SAMD15: variants seen among roughly 807,000 people sequenced by gnomAD.
SAMD15 encodes the protein sterile alpha motif domain containing 15.
A neutral mutation model predicts 50.5 loss-of-function variants in SAMD15; 37 were observed. The observed-to-expected ratio is 0.73, with a 90% CI of 0.56 to 0.96. SAMD15 has a LOEUF of 0.96. Among genes scored for constraint, SAMD15 ranks in the 40% least tolerant of loss-of-function variants. The pLI, the probability that SAMD15 is intolerant of heterozygous loss-of-function variation, is 0.00. For missense variants in SAMD15, 789 were observed against 783.8 expected (o/e 1.01, Z -0.08); for synonymous variants, 255 against 282.8 (o/e 0.90, Z 0.99).
At chr14:77,382,358 C>T (rs949539585) in intron 2 of SAMD15, among the ~76,000 whole-genome samples, 3 of 152,022 alleles carry the variant, frequency 2.0e-5, no homozygotes, top group South Asian at 4.1e-4. Flanking sequence ...TTCTTGACCT[C>T]GTGCTCTGCC....
chr14:77,383,243 A>AAT (rs1216276485), intron 2 of SAMD15, among the ~76,000 whole-genome samples: 1 of 152,180 alleles, frequency 6.6e-6, no homozygotes, highest in African/African-American at 2.4e-5. Context: ...TCGCTTAAAA[A>AAT]AATAATAATA....
In SAMD15 at chr14:77,391,683, T is replaced by C. The variant is rs1006714664; in HGVS notation, c.*439T>C. 1.3e-5 allele frequency among the ~76,000 whole-genome samples: 2 copies of C among 152,282 alleles called. No individual in the cohort carries two copies. Among genetic ancestry groups the C allele is most frequent in the Admixed American group, 6.5e-5 (1 of 15,276 alleles). ...CATTCCTAGTTGTGTCTCTGACTTA[T>C]GGTACCCTCCCTTTCTTTTTGCAAT... On this transcript the variant is annotated 3_prime_UTR_variant, in exon 3 of 3. Coordinates refer to ENST00000216471, the MANE Select transcript of SAMD15 (RefSeq NM_001010860.4).
intron 2 of SAMD15, among the ~76,000 whole-genome samples, chr14:77,389,842 C>T (rs549768240): frequency 6.6e-6 from 1 of 152,160 alleles, no homozygotes; most frequent in East Asian, 1.9e-4. Context: ...TGGCATGGTG[C>T]TCAATGAATA....
At position 77,391,503 on chromosome 14, in the gene SAMD15, A is replaced by G; in HGVS notation, c.*259A>G. The G allele has an allele frequency of 3.1e-6, 1 of 319,636 alleles. No individual in the cohort carries two copies. Among genetic ancestry groups the G allele is most frequent in the Non-Finnish European group, 5.7e-6 (1 of 175,526 alleles). 19.8% of individuals were successfully genotyped at this position (319,636 alleles called of 1,614,324 possible). Reference sequence around the variant, plus strand: ...CAGCTAATTTTTGTATTTTTAGTAGATATGATGTTTCACCATGTTGGCCAG... The same window carrying G: ...CAGCTAATTTTTGTATTTTTAGTAGGTATGATGTTTCACCATGTTGGCCAG... On this transcript the variant is annotated 3_prime_UTR_variant, in exon 3 of 3. Coordinates refer to ENST00000216471, the MANE Select transcript of SAMD15 (RefSeq NM_001010860.4).
At chr14:77,382,063 A>G (rs1235271936) in intron 2 of SAMD15, among the ~76,000 whole-genome samples, 12 of 151,560 alleles carry the variant, frequency 7.9e-5, no homozygotes, top group South Asian at 2.1e-4. Context: ...CAGCCCCCCA[A>G]GTAGCTGGGA....
Position 77,391,619 on chromosome 14 carries a change from T to C in SAMD15, c.*375T>C, listed in dbSNP as rs1894074104. ...CGTGACCTACCGCACCTGGCCCTTTTTCTCCTTTTCATTAAGGATCAGTTA... is the reference window on the plus strand; with the variant it reads ...CGTGACCTACCGCACCTGGCCCTTTCTCTCCTTTTCATTAAGGATCAGTTA... On this transcript the variant is annotated 3_prime_UTR_variant, in exon 3 of 3. Coordinates refer to ENST00000216471, the MANE Select transcript of SAMD15 (RefSeq NM_001010860.4). The C allele has an allele frequency of 6.1e-6, 1 of 164,204 alleles. No homozygotes were observed. Among genetic ancestry groups the C allele is most frequent in the African/African-American group, 2.4e-5 (1 of 41,964 alleles). 10.2% of individuals were successfully genotyped at this position (164,204 alleles called of 1,614,324 possible).
intron 2 of SAMD15, among the ~76,000 whole-genome samples, chr14:77,389,829 A>G (rs1894050737): frequency 6.6e-6 from 1 of 152,124 alleles, no homozygotes; most frequent in African/African-American, 2.4e-5. Flanking sequence ...CTAGGATATC[A>G]AGTGGCATGG....
intron 1 of SAMD15, among the ~76,000 whole-genome samples, chr14:77,379,837 A>C (rs1243976576): frequency 6.6e-6 from 1 of 152,300 alleles, no homozygotes; most frequent in South Asian, 2.1e-4. Flanking sequence ...CAAATATGTC[A>C]CCTGTATCAT....
intron 2 of SAMD15, among the ~76,000 whole-genome samples, chr14:77,384,277 A>G (rs1010699317): frequency 2.6e-5 from 4 of 152,156 alleles, no homozygotes; most frequent in Admixed American, 2.6e-4. Context: ...GCTGCTAAGA[A>G]TCTGAACAGC....
In SAMD15 at chr14:77,378,483, G is replaced by A. The variant is rs756669797; in HGVS notation, c.1065G>A (p.Met355Ile). 6.2e-7 allele frequency: 1 copy of A among 1,613,066 alleles called. No homozygotes were observed. The highest frequency in any genetic ancestry group is 8.5e-7 in the Non-Finnish European group (1 of 1,179,818). The change falls in exon 1 of 3, where the codon ATG becomes ATA. Residue 355 changes from methionine (M) to isoleucine (I), a missense_variant. By Grantham distance (10) the Met-to-Ile change is conservative. This residue lies in a region of SAMD15 where 770 missense variants were observed against 745.4 expected (regional missense o/e 1.03). Transcript: ENST00000216471. ...NEETILEQSEMMKPESPEEIR... is the reference protein window; with the variant it reads ...NEETILEQSEIMKPESPEEIR... The stretch of plus-strand genomic sequence containing the variant: ...AAACAATTCTAGAACAATCAGAAAT[G>A]ATGAAACCAGAAAGTCCAGAAGAGA...
chr14:77,377,760 G>T lies in SAMD15; in HGVS notation c.342G>T (p.Glu114Asp). ...HQEVKSETSR[E>D]MGEFFKDLEA... ...AGGTAAAGTCGGAAACATCCAGAGAGATGGGAGAGTTTTTCAAAGATTTGG... is the reference window on the plus strand; with the variant it reads ...AGGTAAAGTCGGAAACATCCAGAGATATGGGAGAGTTTTTCAAAGATTTGG... The change falls in exon 1 of 3, where the codon GAG becomes GAT. Residue 114 changes from glutamate to aspartate, a missense_variant. Glu to Asp is a conservative substitution (Grantham distance 45). This residue lies in a region of SAMD15 where 770 missense variants were observed against 745.4 expected (regional missense o/e 1.03). Transcript: ENST00000216471. 5 of 1,614,184 alleles carry T rather than the reference G, an allele frequency of 3.1e-6. No homozygotes were observed. The highest frequency in any genetic ancestry group is 4.2e-6 in the Non-Finnish European group (5 of 1,180,030).
chr14:77,391,145 G>A lies in SAMD15; in HGVS notation c.1926G>A (p.Leu642=). The A allele has an allele frequency of 6.2e-7, 1 of 1,613,874 alleles. No homozygotes were observed. The highest frequency in any genetic ancestry group is 8.5e-7 in the Non-Finnish European group (1 of 1,179,870). ...ATACTGGGATAAAATCTGATTCCTTGACTTTATCTGAATTTGTCAAAGCAG... is the reference window on the plus strand; with the variant it reads ...ATACTGGGATAAAATCTGATTCCTTAACTTTATCTGAATTTGTCAAAGCAG... ...KGHTGIKSDS[L]TLSEFVKAAG... Residue 642 remains leucine, a synonymous_variant, in exon 3 of 3, where the codon TTG becomes TTA. Transcript: ENST00000216471.
intron 2 of SAMD15, among the ~76,000 whole-genome samples, chr14:77,385,027 CA>C (rs1188307186): frequency 1.3e-5 from 2 of 151,658 alleles, no homozygotes; most frequent in African/African-American, 2.4e-5. Context: ...ACTAAAAATA[CA>C]AAAAATTAGC....
At chr14:77,380,330 C>G (rs1893929370) in intron 1 of SAMD15, 53 bp from the exon 2 acceptor site, 1 of 1,089,306 alleles carries the variant, frequency 9.2e-7, no homozygotes, top group Non-Finnish European at 1.4e-6. Flanking sequence ...CCCTCCCTTT[C>G]TTCCTTCTAT....
intron 1 of SAMD15, 27 bp downstream of exon 1, chr14:77,379,134 T>C (rs934667408): frequency 1.3e-6 from 2 of 1,591,992 alleles, no homozygotes; most frequent in African/African-American, 2.7e-5. Flanking sequence ...TGTTTTGAAA[T>C]CACATGCTGT....
intron 2 of SAMD15, among the ~76,000 whole-genome samples, chr14:77,388,576 T>C (rs1894034246): frequency 6.6e-6 from 1 of 150,840 alleles, no homozygotes; most frequent in Admixed American, 6.7e-5. Flanking sequence ...ACTTCACGAC[T>C]GGCTTTTTTT....
Position 77,378,354 on chromosome 14 carries a change from T to C in SAMD15, c.936T>C (p.Phe312=). 2 of 1,612,888 alleles carry C rather than the reference T, an allele frequency of 1.2e-6. No individual in the cohort carries two copies. The highest frequency in any genetic ancestry group is 1.1e-5 in the South Asian group (1 of 90,838). ...TELPERTKPD[F]PDHKPRKSTD... is the part of the protein sequence containing the mutation. ...TACCTGAGCGGACTAAACCAGACTT[T>C]CCAGACCACAAGCCAAGAAAGTCTA... is the stretch of plus-strand genomic sequence containing the variant. The change falls in exon 1 of 3, where the codon TTT becomes TTC. Residue 312 remains phenylalanine, a synonymous_variant. Coordinates refer to ENST00000216471, the MANE Select transcript of SAMD15 (RefSeq NM_001010860.4).
At chr14:77,380,577 T>C in intron 2 of SAMD15, 96 bp downstream of exon 2, 2 of 748,176 alleles carry the variant, frequency 2.7e-6, no homozygotes, top group Non-Finnish European at 4.7e-6. Flanking sequence ...GCCTCCCACT[T>C]CTGTCAATGG....
Position 77,378,834 on chromosome 14 carries a change from T to C in SAMD15, c.1416T>C (p.Ile472=). Residue 472 remains isoleucine, a synonymous_variant, in exon 1 of 3, where the codon ATT becomes ATC. Transcript: ENST00000216471. ...CTCTCAGAGAAAGTGAAGAATCAATTGGTACACATTATGAGTTTTTGCAAC... is the reference window on the plus strand; with the variant it reads ...CTCTCAGAGAAAGTGAAGAATCAATCGGTACACATTATGAGTTTTTGCAAC... ...LGSLRESEES[I]GTHYEFLQPL... 6.2e-7 allele frequency: 1 copy of C among 1,613,916 alleles called. No homozygotes were observed. The highest frequency in any genetic ancestry group is 2.2e-5 in the East Asian group (1 of 44,884).
Sources: gnomAD v4.1 joint callset for allele counts (sites outside exome capture counted in the v4.1 genomes callset) on GRCh38, gnomAD v4.1.1 for gene constraint, gnomAD v4.1.1 regional missense constraint, MANE v1.5 for transcripts, NCBI Gene and HGNC (gene_info 2026-07-23, HGNC 2026-07-21) for gene names.